ARHGEF3: variants seen among roughly 807,000 people sequenced by gnomAD.
ARHGEF3 encodes the protein Rho guanine nucleotide exchange factor 3.
In ARHGEF3, 28 loss-of-function variants were observed where a neutral mutation model predicts 63.2. The observed-to-expected ratio is 0.44, with a 90% CI of 0.33 to 0.61. The LOEUF (loss-of-function observed/expected upper bound fraction) is 0.61. Ranked by LOEUF, ARHGEF3 falls within the 20% of genes least tolerant of loss-of-function variation. The pLI, the probability that ARHGEF3 is intolerant of heterozygous loss-of-function variation, is 0.03. For synonymous variants in ARHGEF3, 266 were observed against 254.2 expected (o/e 1.05, Z -0.44); for missense variants, 533 against 659.3 (o/e 0.81, Z 2.10).
chr3:56,825,921 A>C (rs2038697896), intron 4 of ARHGEF3, among the ~76,000 whole-genome samples: 5 of 152,192 alleles, frequency 3.3e-5, no homozygotes, highest in Admixed American at 1.3e-4. Context: ...TTGGGAGTAC[A>C]TGTGACTCAG....
chr3:57,014,462 T>C (rs762121909), intron 2 of ARHGEF3, among the ~76,000 whole-genome samples: 2 of 152,116 alleles, frequency 1.3e-5, no homozygotes, highest in Non-Finnish European at 2.9e-5. Context: ...GAGCCAAATA[T>C]GTGGTATAAT....
At chr3:56,885,938 T>A (rs534706378) in intron 3 of ARHGEF3, among the ~76,000 whole-genome samples, 1 of 152,338 alleles carries the variant, frequency 6.6e-6, no homozygotes, top group Admixed American at 6.5e-5. Flanking sequence ...AAACCATCAC[T>A]AAGTCACTTG....
At chr3:57,069,404 C>CACACAA (rs1442064486) in intron 1 of ARHGEF3, among the ~76,000 whole-genome samples, 1 of 151,972 alleles carries the variant, frequency 6.6e-6, no homozygotes, top group Non-Finnish European at 1.5e-5. Flanking sequence ...CACACACACA[C>CACACAA]ACACACATTG....
chr3:57,009,427 C>T (rs1579078153), intron 2 of ARHGEF3, among the ~76,000 whole-genome samples: 2 of 152,182 alleles, frequency 1.3e-5, no homozygotes, highest in South Asian at 2.1e-4. Context: ...CAACCCGCCA[C>T]CCCTTATCCC....
intron 3 of ARHGEF3, among the ~76,000 whole-genome samples, chr3:56,909,377 C>T (rs1304302659): frequency 6.6e-6 from 1 of 152,334 alleles, no homozygotes; most frequent in East Asian, 1.9e-4. Context: ...GAAATATACA[C>T]ATAAGGGATT....
chr3:56,944,400 G>C (rs1699357175), intron 3 of ARHGEF3, among the ~76,000 whole-genome samples: 1 of 152,060 alleles, frequency 6.6e-6, no homozygotes, highest in Admixed American at 6.6e-5. Context: ...GGATGACATT[G>C]AGGGGTTTAA....
intron 2 of ARHGEF3, among the ~76,000 whole-genome samples, chr3:57,021,225 G>A (rs1703243632): frequency 6.6e-6 from 1 of 152,200 alleles, no homozygotes; most frequent in African/African-American, 2.4e-5. Flanking sequence ...TCTCATTACA[G>A]AGTCAAAAGA....
Position 57,014,068 on chromosome 3 carries a change from G to A in ARHGEF3, c.62+21020C>T, listed in dbSNP as rs534384431. On this transcript the variant is annotated intron_variant, in intron 2 of 12. Transcript: ENST00000338458. ...GAAGGTCTGGAGCTTCACTCTTAAA[G>A]CCAGCGAGACCACGAACCCGCCAGG... 1.3e-3 allele frequency among the ~76,000 whole-genome samples: 203 copies of A among 152,244 alleles called. 1 individual carries two copies. Among genetic ancestry groups the A allele is most frequent in the African/African-American group, 4.6e-3 (191 of 41,552 alleles).
intron 2 of ARHGEF3, among the ~76,000 whole-genome samples, chr3:56,966,529 T>C (rs1029966639): frequency 6.6e-6 from 1 of 152,118 alleles, no homozygotes; most frequent in Non-Finnish European, 1.5e-5. Context: ...CAGAAAGGCA[T>C]GAGATGAGGC....
intron 3 of ARHGEF3, among the ~76,000 whole-genome samples, chr3:56,950,077 T>C (rs1273683299): frequency 6.6e-6 from 1 of 152,056 alleles, no homozygotes; most frequent in African/African-American, 2.4e-5. Context: ...TGGCTAGCCA[T>C]ATGTAGAAAG....
intron 6 of ARHGEF3, among the ~76,000 whole-genome samples, chr3:56,748,362 T>G (rs1370546379): frequency 6.6e-6 from 1 of 152,154 alleles, no homozygotes; most frequent in East Asian, 1.9e-4. Context: ...AACTGTCGTT[T>G]AGAGAACCAA....
At chr3:56,976,223 A>C (rs1418906416) in intron 2 of ARHGEF3, among the ~76,000 whole-genome samples, 1 of 152,116 alleles carries the variant, frequency 6.6e-6, no homozygotes, top group African/African-American at 2.4e-5. Flanking sequence ...TGTATTTTTT[A>C]GTAGAGACGG....
intron 3 of ARHGEF3, among the ~76,000 whole-genome samples, chr3:56,950,802 T>G (rs1308203305): frequency 1.3e-5 from 2 of 152,116 alleles, no homozygotes; most frequent in East Asian, 3.9e-4. Context: ...AGATTATAAA[T>G]CATGCTGCTA....
At chr3:56,952,698 A>G (rs932320454) in intron 3 of ARHGEF3, among the ~76,000 whole-genome samples, 8 of 152,192 alleles carry the variant, frequency 5.3e-5, no homozygotes, top group African/African-American at 7.2e-5. Flanking sequence ...GGGGTTAGAT[A>G]CCTGGGATAA....
intron 2 of ARHGEF3, among the ~76,000 whole-genome samples, chr3:57,020,769 A>T (rs1343812656): frequency 6.6e-6 from 1 of 152,206 alleles, no homozygotes; most frequent in African/African-American, 2.4e-5. Context: ...GAGGCTATCT[A>T]CTGTCGGACC....
intron 3 of ARHGEF3, among the ~76,000 whole-genome samples, chr3:56,893,429 T>G (rs1429551184): frequency 1.3e-5 from 2 of 152,200 alleles, no homozygotes; most frequent in African/African-American, 4.8e-5. Context: ...TCCTCCTGCC[T>G]TGGCCTGCCC....
chr3:56,854,499 T>G (rs1241213591), intron 4 of ARHGEF3, among the ~76,000 whole-genome samples: 1 of 152,044 alleles, frequency 6.6e-6, no homozygotes, highest in Non-Finnish European at 1.5e-5. Context: ...GGAAGATGCC[T>G]CGGGTTCAGT....
intron 2 of ARHGEF3, chr3:56,960,645 A>G (rs1336951878): frequency 6.6e-6 from 1 of 152,144 alleles, no homozygotes; most frequent in East Asian, 1.9e-4. Context: ...ACTCACCAAA[A>G]CTATGGGAAC....
chr3:57,059,031 T>C (rs971762108), intron 1 of ARHGEF3, among the ~76,000 whole-genome samples: 2 of 148,008 alleles, frequency 1.4e-5, no homozygotes, highest in East Asian at 2.1e-4. Context: ...TTAGGAGATA[T>C]ACCTAATGTA....
Sources: gnomAD v4.1 joint callset for allele counts (sites outside exome capture counted in the v4.1 genomes callset) on GRCh38, gnomAD v4.1.1 for gene constraint, MANE v1.5 for transcripts, NCBI Gene and HGNC (gene_info 2026-07-23, HGNC 2026-07-21) for gene names.